CDK19: variants seen among roughly 807,000 people sequenced by gnomAD.
CDK19 encodes the protein cyclin-dependent kinase 19.
Under a neutral mutation model 68.3 loss-of-function variants are expected in CDK19, and 20 were observed. That is an observed-to-expected ratio of 0.29 (90% CI 0.21 to 0.43). The LOEUF is 0.43. Ranked by LOEUF, CDK19 falls within the 20% of genes least tolerant of loss-of-function variation. The probability of loss-of-function intolerance (pLI) is 1.00; values close to 1 mark genes in which losing one functional copy is unlikely to be tolerated. For synonymous variants in CDK19, 221 were observed against 222.8 expected (o/e 0.99, Z 0.07); for missense variants, 339 against 623.5 (o/e 0.54, Z 4.86).
At chr6:110,766,941 C>T (rs991365062) in intron 1 of CDK19, among the ~76,000 whole-genome samples, 8 of 151,922 alleles carry the variant, frequency 5.3e-5, no homozygotes, top group African/African-American at 1.5e-4. Context: ...CGAGATCAGC[C>T]TGGCCAACAT....
At chr6:110,717,699 T>TTTTTG (rs1226122294) in intron 2 of CDK19, among the ~76,000 whole-genome samples, 1 of 152,046 alleles carries the variant, frequency 6.6e-6, no homozygotes, top group East Asian at 1.9e-4. Context: ...TGCCTTTGTT[T>TTTTTG]TTTTGTTTTG....
At chr6:110,730,497 A>G (rs1031111967) in intron 2 of CDK19, among the ~76,000 whole-genome samples, 2 of 152,238 alleles carry the variant, frequency 1.3e-5, no homozygotes, top group Non-Finnish European at 2.9e-5. Flanking sequence ...ATGGATACAA[A>G]TAAGCCCATA....
chr6:110,773,054 A>C (rs1780149320), intron 1 of CDK19, among the ~76,000 whole-genome samples: 2 of 150,236 alleles, frequency 1.3e-5, no homozygotes, highest in Non-Finnish European at 3.0e-5. Flanking sequence ...CGTCTCTTAA[A>C]AAAAAAAAAA....
intron 1 of CDK19, among the ~76,000 whole-genome samples, chr6:110,771,190 C>T (rs1779993678): frequency 6.6e-6 from 1 of 152,250 alleles, no homozygotes; most frequent in Non-Finnish European, 1.5e-5. Flanking sequence ...CCACATTTCC[C>T]TTCTGCACTG....
intron 2 of CDK19, among the ~76,000 whole-genome samples, chr6:110,724,769 A>C (rs1272304403): frequency 6.6e-6 from 1 of 152,230 alleles, no homozygotes; most frequent in Non-Finnish European, 1.5e-5. Flanking sequence ...TTAGATAGCT[A>C]GATAAGATCT....
At chr6:110,713,356 C>T (rs947015637) in intron 2 of CDK19, among the ~76,000 whole-genome samples, 2 of 146,604 alleles carry the variant, frequency 1.4e-5, no homozygotes, top group South Asian at 2.2e-4. Context: ...GGCGTGGACC[C>T]GGGAGGCGGA....
Position 110,788,148 on chromosome 6 carries a change from G to GT in CDK19, c.128+26860dup, listed in dbSNP as rs574478424. Among the ~76,000 whole-genome samples the GT allele has an allele frequency of 6.6e-3, 994 of 150,154 alleles. 2 individuals carry two copies. Among genetic ancestry groups the GT allele is most frequent in the Non-Finnish European group, 0.011 (721 of 67,312 alleles). ...AGCCACCACACCTGGCCTGTTTTTT[G>GT]TTTTTTTGTTGTTGTTGTTTGTTTG... On this transcript the variant is annotated intron_variant, in intron 1 of 12. Coordinates refer to ENST00000368911, the MANE Select transcript of CDK19 (RefSeq NM_015076.5).
chr6:110,615,770 G>A (rs1334296615), intron 12 of CDK19, among the ~76,000 whole-genome samples: 3 of 152,192 alleles, frequency 2.0e-5, no homozygotes, highest in Non-Finnish European at 4.4e-5. Flanking sequence ...ATTCTGCTAA[G>A]ATGTAGGTGC....
intron 1 of CDK19, among the ~76,000 whole-genome samples, chr6:110,757,013 C>T (rs1778882999): frequency 6.6e-6 from 1 of 152,046 alleles, no homozygotes; most frequent in African/African-American, 2.4e-5. Flanking sequence ...AACACAGAAC[C>T]AAAGGGCTAA....
At chr6:110,732,235 C>T (rs1330428761) in intron 2 of CDK19, among the ~76,000 whole-genome samples, 3 of 152,130 alleles carry the variant, frequency 2.0e-5, no homozygotes, top group Non-Finnish European at 4.4e-5. Context: ...GTAGCTCATG[C>T]CTGTAATCCC....
At chr6:110,723,416 C>A (rs1045179031) in intron 2 of CDK19, among the ~76,000 whole-genome samples, 5 of 152,104 alleles carry the variant, frequency 3.3e-5, no homozygotes, top group Non-Finnish European at 7.4e-5. Flanking sequence ...GCACAACTTG[C>A]AGAATCGATG....
chr6:110,653,498 C>T (rs191395280), intron 4 of CDK19, among the ~76,000 whole-genome samples: 1 of 152,304 alleles, frequency 6.6e-6, no homozygotes, highest in African/African-American at 2.4e-5. Flanking sequence ...TACTAAAACT[C>T]CTCTTCTTAC....
At chr6:110,701,551 CAA>C (rs1166831323) in intron 2 of CDK19, among the ~76,000 whole-genome samples, 5 of 123,498 alleles carry the variant, frequency 4.0e-5, no homozygotes, top group Non-Finnish European at 3.5e-5. Flanking sequence ...GACTCTGTCT[CAA>C]AAAAAAAAAA....
At position 110,815,255 on chromosome 6, in the gene CDK19, GCGCCGCC is replaced by G. The variant is rs1222154905; in HGVS notation, c.-126_-120del. The stretch of plus-strand genomic sequence containing the variant: ...ACAGCCGCCTCTCGCGCGCGCGCGC[GCGCCGCC>G]CGCCGCCCGCCGCTCCGCGGTCCGC... On this transcript the variant is annotated 5_prime_UTR_variant, in exon 1 of 13. Coordinates refer to ENST00000368911, the MANE Select transcript of CDK19 (RefSeq NM_015076.5). The G allele has an allele frequency of 5.9e-5, 68 of 1,154,276 alleles. No homozygotes were observed. Among genetic ancestry groups the G allele is most frequent in the Admixed American group, 1.3e-4 (3 of 22,772 alleles). 71.5% of individuals were successfully genotyped at this position (1,154,276 alleles called of 1,614,324 possible).
intron 4 of CDK19, among the ~76,000 whole-genome samples, chr6:110,656,111 T>A (rs571446304): frequency 6.6e-6 from 1 of 152,324 alleles, no homozygotes; most frequent in South Asian, 2.1e-4. Flanking sequence ...CTTAGTACCT[T>A]ATGCTTAGCT....
chr6:110,785,289 C>T (rs1374760836), intron 1 of CDK19, among the ~76,000 whole-genome samples: 6 of 152,092 alleles, frequency 3.9e-5, no homozygotes, highest in Non-Finnish European at 8.8e-5. Context: ...CAACACAGGG[C>T]TTAGTGGCGC....
intron 2 of CDK19, among the ~76,000 whole-genome samples, chr6:110,705,104 A>C (rs908232406): frequency 1.7e-4 from 25 of 151,356 alleles, no homozygotes; most frequent in African/African-American, 6.1e-4. Flanking sequence ...GCAATGGCAC[A>C]ATCTCAGCTC....
In CDK19 at chr6:110,611,034, T is replaced by TA. The variant is rs1410902843; in HGVS notation, c.*3500dup. 2.0e-5 allele frequency: 3 copies of TA among 152,164 alleles called. No homozygotes were observed. Among genetic ancestry groups the TA allele is most frequent in the Non-Finnish European group, 4.4e-5 (3 of 68,030 alleles). 9.4% of individuals were successfully genotyped at this position (152,164 alleles called of 1,614,324 possible). Reference sequence around the variant, plus strand: ...TGCAGAAGGCCAAAATTCTAAGTACTAAAGTTTCAAAACCACAGAGATATA... The same window carrying TA: ...TGCAGAAGGCCAAAATTCTAAGTACTAAAAGTTTCAAAACCACAGAGATATA... On this transcript the variant is annotated 3_prime_UTR_variant, in exon 13 of 13. Transcript: ENST00000368911.
At chr6:110,709,743 G>A (rs1000425492) in intron 2 of CDK19, among the ~76,000 whole-genome samples, 1 of 152,002 alleles carries the variant, frequency 6.6e-6, no homozygotes, top group East Asian at 1.9e-4. Context: ...CTAAAAAATA[G>A]AAATTCTAAT....
Sources: gnomAD v4.1 joint callset for allele counts (sites outside exome capture counted in the v4.1 genomes callset) on GRCh38, gnomAD v4.1.1 for gene constraint, MANE v1.5 for transcripts, NCBI Gene and HGNC (gene_info 2026-07-23, HGNC 2026-07-21) for gene names.